The following CDH12 variants were observed in gnomAD, a reference collection of about 807,000 sequenced individuals.
The protein encoded by CDH12 is cadherin-12.
In CDH12, 41 loss-of-function variants were observed where a neutral mutation model predicts 74.1. The ratio of observed to expected loss-of-function variants is 0.55; its 90% CI spans 0.43 to 0.72. The LOEUF is 0.72. Ranked by LOEUF, CDH12 falls within the 30% of genes least tolerant of loss-of-function variation. The pLI is 0.00. For missense variants in CDH12, 945 were observed against 977.2 expected (o/e 0.97, Z 0.44); for synonymous variants, 399 against 355.0 (o/e 1.12, Z -1.39).
At chr5:22,759,370 G>A (rs892242167) in intron 1 of CDH12, among the ~76,000 whole-genome samples, 1 of 152,068 alleles carries the variant, frequency 6.6e-6, no homozygotes, top group Non-Finnish European at 1.5e-5. Flanking sequence ...ACAATTTTAG[G>A]AGGTTTTTTT....
chr5:21,842,376 G>A lies in CDH12; in HGVS notation c.647-48C>T, dbSNP rs202018135. On this transcript the variant is annotated intron_variant, in intron 7 of 14. Transcript: ENST00000382254. ...GTAAAATAAATATCACAAATGCTCT[G>A]TTTTCTGAAATAAAATAAAATGCAA... 38 of 1,303,770 alleles carry A rather than the reference G, an allele frequency of 2.9e-5. No homozygotes were observed. The African/African-American group carries it at 5.4e-4, about 18-fold the overall frequency. The allele number at this position is 1,303,770 out of a possible 1,614,324, so 80.8% of individuals were successfully genotyped here. A position where few individuals can be genotyped will look rare whatever the true frequency, so the allele number is the denominator to read the frequency against.
At chr5:21,836,796 G>T (rs1749560352) in intron 8 of CDH12, among the ~76,000 whole-genome samples, 1 of 151,898 alleles carries the variant, frequency 6.6e-6, no homozygotes, top group South Asian at 2.1e-4. Context: ...ATCCTCTACA[G>T]ATATCCTTGA....
At chr5:22,594,613 A>G (rs976489466) in intron 1 of CDH12, among the ~76,000 whole-genome samples, 7 of 151,024 alleles carry the variant, frequency 4.6e-5, no homozygotes, top group Non-Finnish European at 7.4e-5. Flanking sequence ...AGCTCAGTAA[A>G]TATTTGTTAA....
intron 1 of CDH12, among the ~76,000 whole-genome samples, chr5:22,612,582 A>T (rs1316400366): frequency 2.0e-5 from 3 of 152,100 alleles, no homozygotes; most frequent in Non-Finnish European, 4.4e-5. Flanking sequence ...GCAGATATAA[A>T]TATGATCTGG....
intron 5 of CDH12, among the ~76,000 whole-genome samples, chr5:22,046,318 C>G (rs1165196551): frequency 6.6e-6 from 1 of 151,938 alleles, no homozygotes; most frequent in Non-Finnish European, 1.5e-5. Context: ...TGCCACCATT[C>G]TGACAAAGTA....
chr5:22,186,775 T>G (rs1305175731), intron 4 of CDH12, among the ~76,000 whole-genome samples: 1 of 152,134 alleles, frequency 6.6e-6, no homozygotes, highest in Admixed American at 6.6e-5. Context: ...CTGGCCAGCA[T>G]TTTTATATAC....
At chr5:22,460,356 C>T (rs1745448699) in intron 2 of CDH12, among the ~76,000 whole-genome samples, 1 of 152,110 alleles carries the variant, frequency 6.6e-6, no homozygotes, top group Non-Finnish European at 1.5e-5. Context: ...ATCTTTCATG[C>T]CTTGGCAACC....
At chr5:22,094,945 C>T (rs2150242552) in intron 4 of CDH12, among the ~76,000 whole-genome samples, 1 of 152,284 alleles carries the variant, frequency 6.6e-6, no homozygotes, top group South Asian at 2.1e-4. Flanking sequence ...CGGGCCCACC[C>T]CTATCTCCCT....
At chr5:21,822,225 A>G (rs1419141284) in intron 8 of CDH12, among the ~76,000 whole-genome samples, 2 of 27,976 alleles carry the variant, frequency 7.1e-5, no homozygotes, top group Non-Finnish European at 3.7e-4. Flanking sequence ...CTTTTATAAT[A>G]TTTGTATATT....
At chr5:22,647,659 A>G (rs750884480) in intron 1 of CDH12, among the ~76,000 whole-genome samples, 19 of 151,766 alleles carry the variant, frequency 1.3e-4, no homozygotes, top group Non-Finnish European at 2.4e-4. Context: ...TTTAACTTTA[A>G]TAACCTCTTA....
intron 6 of CDH12, among the ~76,000 whole-genome samples, chr5:21,914,410 A>G (rs1208183199): frequency 6.6e-6 from 1 of 152,194 alleles, no homozygotes; most frequent in Non-Finnish European, 1.5e-5. Context: ...TGTATCAAAC[A>G]TGGTTTTTAC....
chr5:22,324,114 T>C (rs948777057), intron 3 of CDH12, among the ~76,000 whole-genome samples: 3 of 152,168 alleles, frequency 2.0e-5, no homozygotes, highest in African/African-American at 7.2e-5. Flanking sequence ...TCACAATGAT[T>C]AGATGACTTC....
intron 2 of CDH12, among the ~76,000 whole-genome samples, chr5:22,425,985 G>A (rs937744455): frequency 2.6e-5 from 4 of 151,624 alleles, no homozygotes; most frequent in Non-Finnish European, 4.4e-5. Flanking sequence ...TCAAGGAATC[G>A]AGACCACCCT....
intron 2 of CDH12, among the ~76,000 whole-genome samples, chr5:22,480,563 C>T (rs1215651858): frequency 7.0e-6 from 1 of 142,092 alleles, no homozygotes; most frequent in Non-Finnish European, 1.5e-5. Context: ...CGAGTGTGGG[C>T]AACAGTGAAG....
chr5:22,130,341 C>A (rs1232469614), intron 4 of CDH12, among the ~76,000 whole-genome samples: 1 of 151,730 alleles, frequency 6.6e-6, no homozygotes, highest in Non-Finnish European at 1.5e-5. Context: ...GCTGGATGAT[C>A]GTGACTTTTT....
chr5:22,001,861 T>C (rs1203083536), intron 5 of CDH12, among the ~76,000 whole-genome samples: 1 of 152,258 alleles, frequency 6.6e-6, no homozygotes, highest in African/African-American at 2.4e-5. Flanking sequence ...AGGTCCTTTT[T>C]TGATGTTATC....
intron 6 of CDH12, among the ~76,000 whole-genome samples, chr5:21,920,667 T>TATAATAATAATAAAAATA (rs149078574): frequency 6.9e-6 from 1 of 145,476 alleles, no homozygotes; most frequent in Non-Finnish European, 1.5e-5. Flanking sequence ...GAACTTAAAG[T>TATAATAATAATAAAAATA]ATGATAATAA....
At chr5:22,518,242 A>G (rs1736890781) in intron 1 of CDH12, among the ~76,000 whole-genome samples, 1 of 152,240 alleles carries the variant, frequency 6.6e-6, no homozygotes, top group African/African-American at 2.4e-5. Context: ...GAGTCCAAGC[A>G]CCATCTCTTC....
intron 2 of CDH12, among the ~76,000 whole-genome samples, chr5:22,483,172 C>T (rs1483777179): frequency 6.6e-6 from 1 of 152,036 alleles, no homozygotes; most frequent in Non-Finnish European, 1.5e-5. Context: ...AATGTAACCA[C>T]TTTTGAGACT....
Sources: gnomAD v4.1 joint callset for allele counts (sites outside exome capture counted in the v4.1 genomes callset) on GRCh38, gnomAD v4.1.1 for gene constraint, MANE v1.5 for transcripts, NCBI Gene and HGNC (gene_info 2026-07-23, HGNC 2026-07-21) for gene names.